LDB2: variants seen among roughly 807,000 people sequenced by gnomAD.
The protein encoded by LDB2 is LIM domain binding 2.
A neutral mutation model predicts 44.3 loss-of-function variants in LDB2; 12 were observed. The ratio of observed to expected loss-of-function variants is 0.27; its 90% CI spans 0.17 to 0.44. The LOEUF is 0.44. Among genes scored for constraint, LDB2 ranks in the 20% least tolerant of loss-of-function variants. The probability of loss-of-function intolerance (pLI) is 1.00; values close to 1 mark genes in which losing one functional copy is unlikely to be tolerated. For synonymous variants in LDB2, 164 were observed against 174.8 expected (o/e 0.94, Z 0.49); for missense variants, 344 against 473.5 (o/e 0.73, Z 2.54).
At chr4:16,540,306 C>T (rs1247477000) in intron 5 of LDB2, among the ~76,000 whole-genome samples, 1 of 152,144 alleles carries the variant, frequency 6.6e-6, no homozygotes, top group Non-Finnish European at 1.5e-5. Flanking sequence ...TACCCTGATA[C>T]TGCAACCTTG....
rs141063795 is a variant in LDB2, at chr4:16,755,298, A to C, written c.235+3860T>G. ...AATAGCAACACTTTATGCTGGACTT[A>C]GAACTGCAGAGCAGGTGCACAGAGG... On this transcript the variant is annotated intron_variant, in intron 2 of 7. Transcript: ENST00000304523. 2.4e-3 allele frequency among the ~76,000 whole-genome samples: 361 copies of C among 152,346 alleles called. 1 individual carries two copies. The highest frequency in any genetic ancestry group is 8.0e-3 in the African/African-American group (334 of 41,584).
chr4:16,627,848 A>T (rs1250898716), intron 2 of LDB2, among the ~76,000 whole-genome samples: 1 of 152,232 alleles, frequency 6.6e-6, no homozygotes, highest in African/African-American at 2.4e-5. Context: ...TGGGTGACTT[A>T]GCACATATTC....
chr4:16,541,429 T>C (rs1313699201), intron 5 of LDB2, among the ~76,000 whole-genome samples: 3 of 152,146 alleles, frequency 2.0e-5, no homozygotes, highest in African/African-American at 4.8e-5. Context: ...GCCAACACTA[T>C]GTTTTCTCTA....
In LDB2 at chr4:16,884,065, C is replaced by A. The variant is rs563632295; in HGVS notation, c.132+14289G>T. ...ACAGATGTGCTCCAAGACAGACCAC[C>A]AGTCCACCCTCCACAAAGGGATCAG... On this transcript the variant is annotated intron_variant, in intron 1 of 7. Transcript: ENST00000304523. Among the ~76,000 whole-genome samples the A allele has an allele frequency of 2.6e-5, 4 of 152,324 alleles. No individual in the cohort carries two copies. The South Asian group carries it at 8.3e-4, about 32-fold the overall frequency.
intron 2 of LDB2, among the ~76,000 whole-genome samples, chr4:16,753,395 A>G (rs920180508): frequency 6.6e-6 from 1 of 152,232 alleles, no homozygotes; most frequent in Non-Finnish European, 1.5e-5. Flanking sequence ...ACAACACATA[A>G]AAACACATAT....
At chr4:16,895,120 TA>T (rs71181199) in intron 1 of LDB2, among the ~76,000 whole-genome samples, 692 of 124,654 alleles carry the variant, frequency 5.6e-3, no homozygotes, top group Middle Eastern at 0.013. Flanking sequence ...TTTTTCATGC[TA>T]AAAAAAAAAA....
intron 2 of LDB2, among the ~76,000 whole-genome samples, chr4:16,639,881 T>C (rs750565898): frequency 2.0e-5 from 3 of 152,278 alleles, no homozygotes; most frequent in Non-Finnish European, 4.4e-5. Context: ...TGGGCAGATG[T>C]GCTCTGCTTC....
chr4:16,641,277 A>G (rs1735080144), intron 2 of LDB2, among the ~76,000 whole-genome samples: 1 of 152,190 alleles, frequency 6.6e-6, no homozygotes, highest in African/African-American at 2.4e-5. Context: ...TTTATTATCT[A>G]CAAGAGGAAC....
chr4:16,691,324 G>A (rs1051024013), intron 2 of LDB2, among the ~76,000 whole-genome samples: 4 of 152,232 alleles, frequency 2.6e-5, no homozygotes, highest in African/African-American at 4.8e-5. Flanking sequence ...GGAACTGTAC[G>A]AGCCACTGAA....
intron 1 of LDB2, among the ~76,000 whole-genome samples, chr4:16,815,121 G>C (rs1780667934): frequency 6.6e-6 from 1 of 152,202 alleles, no homozygotes; most frequent in Admixed American, 6.5e-5. Context: ...TTAATTGCAA[G>C]TCCAAGGCAA....
chr4:16,799,483 T>C (rs1001127891), intron 1 of LDB2, among the ~76,000 whole-genome samples: 1 of 152,236 alleles, frequency 6.6e-6, no homozygotes, highest in Admixed American at 6.5e-5. Flanking sequence ...AAACATTGAA[T>C]AGGAAGAAGG....
chr4:16,773,709 A>G (rs923301244), intron 1 of LDB2, among the ~76,000 whole-genome samples: 1 of 151,928 alleles, frequency 6.6e-6, no homozygotes, highest in African/African-American at 2.4e-5. Flanking sequence ...CTCCATTTCT[A>G]CAGTTGCAAT....
intron 2 of LDB2, among the ~76,000 whole-genome samples, chr4:16,608,046 C>G (rs1724433056): frequency 6.6e-6 from 1 of 151,918 alleles, no homozygotes; most frequent in Admixed American, 6.6e-5. Context: ...TTAGAGTAAT[C>G]ACTTTAAAAG....
intron 1 of LDB2, among the ~76,000 whole-genome samples, chr4:16,814,848 C>G (rs1233903214): frequency 6.6e-6 from 1 of 152,200 alleles, no homozygotes; most frequent in Non-Finnish European, 1.5e-5. Flanking sequence ...AACAACAAAA[C>G]TTCCTGGGTC....
rs16893953 is a variant in LDB2, at chr4:16,763,862, G to A, written c.133-4602C>T. Among the ~76,000 whole-genome samples, 42 of 151,760 alleles carry A rather than the reference G, an allele frequency of 2.8e-4. 1 individual carries two copies. The highest frequency in any genetic ancestry group is 8.3e-4 in the South Asian group (4 of 4,798). ...CAGTCAACACATCTAATTTCTTTGC[G>A]TCTGTTTGCTTGTTGGGTAAGTGGG... On this transcript the variant is annotated intron_variant, in intron 1 of 7. Transcript: ENST00000304523.
intron 5 of LDB2, among the ~76,000 whole-genome samples, chr4:16,573,586 T>G (rs995845533): frequency 1.6e-4 from 25 of 152,194 alleles, no homozygotes; most frequent in African/African-American, 2.2e-4. Context: ...CAGTGACCCA[T>G]GGGCCACACT....
At position 16,502,185 on chromosome 4, in the gene LDB2, C is replaced by T. The variant is rs1045593122; in HGVS notation, c.*458G>A. 6.5e-6 allele frequency: 1 copy of T among 153,458 alleles called. No individual in the cohort carries two copies. The highest frequency in any genetic ancestry group is 2.4e-5 in the African/African-American group (1 of 41,306). The allele number at this position is 153,458 out of a possible 1,614,324, so 9.5% of individuals were successfully genotyped here. A position where few individuals can be genotyped will look rare whatever the true frequency, so the allele number is the denominator to read the frequency against. On this transcript the variant is annotated 3_prime_UTR_variant, in exon 8 of 8. Coordinates refer to ENST00000304523, the MANE Select transcript of LDB2 (RefSeq NM_001290.5). ...TTTGTCTTTTCTTTTTTTACTGAAA[C>T]AAGAAACTCTCAGATGCAAGTCAAA...
chr4:16,659,750 AT>A (rs1741027668), intron 2 of LDB2, among the ~76,000 whole-genome samples: 1 of 151,112 alleles, frequency 6.6e-6, no homozygotes, highest in African/African-American at 2.4e-5. Context: ...GAGTGAACAG[AT>A]TTCCAAAGTT....
chr4:16,790,918 GGA>G (rs1775564833), intron 1 of LDB2, among the ~76,000 whole-genome samples: 2 of 151,756 alleles, frequency 1.3e-5, no homozygotes, highest in Admixed American at 6.6e-5. Flanking sequence ...AGGCAATCCA[GGA>G]CTTAGGCTGT....
Sources: allele counts gnomAD v4.1 joint callset (sites outside exome capture counted in the v4.1 genomes callset), GRCh38; gene constraint gnomAD v4.1.1; transcripts MANE v1.5; gene names NCBI Gene and HGNC (gene_info 2026-07-23, HGNC 2026-07-21).